HABP4: variants seen among roughly 807,000 people sequenced by gnomAD.
HABP4 encodes intracellular hyaluronan-binding protein 4.
A neutral mutation model predicts 44.1 loss-of-function variants in HABP4; 32 were observed. The observed-to-expected ratio is 0.73, with a 90% CI of 0.55 to 0.97. The LOEUF is 0.97. Among genes scored for constraint, HABP4 ranks in the 50% least tolerant of loss-of-function variants. The probability of loss-of-function intolerance (pLI) is 0.00; values close to 1 mark genes in which losing one functional copy is unlikely to be tolerated. For synonymous variants in HABP4, 216 were observed against 218.0 expected (o/e 0.99, Z 0.08); for missense variants, 503 against 561.9 (o/e 0.90, Z 1.06).
rs764603456 is a variant in HABP4 at position 96,456,759 on chromosome 9, C to CAAAAA, written c.350-1602_350-1598dup. Among the ~76,000 whole-genome samples, 7 of 24,728 alleles carry CAAAAA rather than the reference C, an allele frequency of 2.8e-4. 2 individuals carry two copies. Among genetic ancestry groups the CAAAAA allele is most frequent in the East Asian group, 3.4e-3 (2 of 582 alleles). The allele number at this position is 24,728 out of a possible 152,430, so 16.2% of individuals were successfully genotyped here. A position where few individuals can be genotyped will look rare whatever the true frequency, so the allele number is the denominator to read the frequency against. On this transcript the variant is annotated intron_variant, in intron 1 of 7. Coordinates refer to ENST00000375249, the MANE Select transcript of HABP4 (RefSeq NM_014282.4). ...TGGGCAACAGAGCAAGACTCCATCT[C>CAAAAA]AAAAAAAAAAAAAAAAAAAAAATAT...
intron 1 of HABP4, among the ~76,000 whole-genome samples, chr9:96,453,935 G>A (rs899851184): frequency 6.6e-6 from 1 of 152,166 alleles, no homozygotes; most frequent in Non-Finnish European, 1.5e-5. Flanking sequence ...GAAGGAGAAC[G>A]AGATGTTTGC....
At chr9:96,454,073 C>G (rs916104241) in intron 1 of HABP4, among the ~76,000 whole-genome samples, 13 of 152,096 alleles carry the variant, frequency 8.5e-5, no homozygotes, top group Admixed American at 7.9e-4. Flanking sequence ...CAGTTTTATA[C>G]TGTTGGAAAA....
At chr9:96,458,609 TTTTCTTTTCTTTC>T (rs1832442930) in intron 2 of HABP4, 68 bp downstream of exon 2, 1 of 1,063,230 alleles carries the variant, frequency 9.4e-7, no homozygotes, top group Non-Finnish European at 1.4e-6. Flanking sequence ...GCTACTTTCT[TTTTCTTTTCTTTC>T]TTTCTTTTTT....
intron 5 of HABP4, among the ~76,000 whole-genome samples, chr9:96,472,421 T>C (rs1012291963): frequency 6.6e-6 from 1 of 152,202 alleles, no homozygotes; most frequent in Non-Finnish European, 1.5e-5. Flanking sequence ...ATTTTCTGGA[T>C]GCAACATTTC....
In HABP4 at chr9:96,465,518, C is replaced by G. The variant is rs779507386; in HGVS notation, c.674+20C>G. 7.2e-6 allele frequency: 11 copies of G among 1,538,334 alleles called. No individual in the cohort carries two copies. The highest frequency in any genetic ancestry group is 9.9e-6 in the Non-Finnish European group (11 of 1,110,916). ...CAAAATGTAAGTTTCTTTGTAAATG[C>G]TATTTTCACTTTAAGATGGTGTCAG... On this transcript the variant is annotated intron_variant, in intron 3 of 7. Transcript: ENST00000375249.
chr9:96,465,903 G>C, intron 4 of HABP4, 125 bp downstream of exon 4: 1 of 595,134 alleles, frequency 1.7e-6, no homozygotes, highest in South Asian at 2.3e-5. Context: ...AGTAGAGATT[G>C]ATTTTAGGCT....
At chr9:96,461,282 G>A (rs1273692143) in intron 2 of HABP4, among the ~76,000 whole-genome samples, 1 of 152,024 alleles carries the variant, frequency 6.6e-6, no homozygotes, top group Non-Finnish European at 1.5e-5. Context: ...ACCACAATTT[G>A]CTTAAAGCTT....
At chr9:96,456,759 CAAAAAAAAAAAAA>C (rs764603456) in intron 1 of HABP4, among the ~76,000 whole-genome samples, 10 of 24,726 alleles carry the variant, frequency 4.0e-4, no homozygotes, top group African/African-American at 6.2e-4. Flanking sequence ...GACTCCATCT[CAAAAAAAAAAAAA>C]AAAAAAAAAT....
rs1231434746 is a variant in HABP4, at chr9:96,450,274, G to A, written c.-6G>A. ...GCCCTCCCGGGCCCGCAGTGGTCGC[G>A]GCGGCATGAAGGGCGCTCTGGGGAG... On this transcript the variant is annotated 5_prime_UTR_variant, in exon 1 of 8. Transcript: ENST00000375249. The surrounding 1 kb of genome is among the most constrained non-coding windows in gnomAD (Gnocchi z 4.8). 2.8e-6 allele frequency: 4 copies of A among 1,436,632 alleles called. No individual in the cohort carries two copies. Among genetic ancestry groups the A allele is most frequent in the Non-Finnish European group, 3.7e-6 (4 of 1,084,550 alleles). 89.0% of individuals were successfully genotyped at this position (1,436,632 alleles called of 1,614,324 possible).
At chr9:96,460,735 T>C (rs1475232826) in intron 2 of HABP4, among the ~76,000 whole-genome samples, 1 of 152,230 alleles carries the variant, frequency 6.6e-6, no homozygotes. Flanking sequence ...TTTCTGATGT[T>C]TCCTCGTGGA....
In HABP4 at chr9:96,490,013, C is replaced by T. The variant is rs1229347620; in HGVS notation, c.1217C>T (p.Pro406Leu). The T allele has an allele frequency of 8.7e-6, 14 of 1,604,408 alleles. No individual in the cohort carries two copies. The highest frequency in any genetic ancestry group is 1.2e-5 in the Non-Finnish European group (14 of 1,171,198). ...GATGTTGCCCCCAACCCAGATGACCCGGAAGATTTCCCTGCGCTGTCTTGA... is the reference window on the plus strand; with the variant it reads ...GATGTTGCCCCCAACCCAGATGACCTGGAAGATTTCCCTGCGCTGTCTTGA... Reference protein sequence around the residue: ...MQDVAPNPDDPEDFPALS With the variant: ...MQDVAPNPDDLEDFPALS Residue 406 changes from proline to leucine, a missense_variant, in exon 8 of 8, where the codon CCG becomes CTG. Physicochemically the swap from Pro to Leu is moderately conservative, Grantham distance 98 (BLOSUM62 -3). Around this residue, in one of 3 missense-constraint regions of HABP4, gnomAD observed 82 missense variants for 71.6 expected, o/e 1.15. Transcript: ENST00000375249.
chr9:96,476,994 T>C (rs1401003030), intron 5 of HABP4, among the ~76,000 whole-genome samples: 1 of 152,230 alleles, frequency 6.6e-6, no homozygotes, highest in Non-Finnish European at 1.5e-5. Context: ...ACTATATGCT[T>C]TACTTTATGT....
At position 96,490,148 on chromosome 9, in the gene HABP4, G is replaced by C; in HGVS notation, c.*110G>C. 1.4e-6 allele frequency: 1 copy of C among 735,620 alleles called. No homozygotes were observed. Among genetic ancestry groups the C allele is most frequent in the Non-Finnish European group, 2.4e-6 (1 of 409,754 alleles). 45.6% of individuals were successfully genotyped at this position (735,620 alleles called of 1,614,324 possible). A position where few individuals can be genotyped will look rare whatever the true frequency, so the allele number is the denominator to read the frequency against. The stretch of plus-strand genomic sequence containing the variant: ...AAGAACAATAGATGTTGCTTTTCCC[G>C]TGTCATGTAAATTTGTTGCACTTTT... On this transcript the variant is annotated 3_prime_UTR_variant, in exon 8 of 8. Transcript: ENST00000375249.
At chr9:96,465,575 TTAGTTAACTTTA>T in intron 3 of HABP4, 77 bp downstream of exon 3, 1 of 1,182,808 alleles carries the variant, frequency 8.5e-7, no homozygotes, top group Non-Finnish European at 1.3e-6. Flanking sequence ...GTGTTAATAT[TTAGTTAACTTTA>T]TAGTACTGTG....
intron 1 of HABP4, among the ~76,000 whole-genome samples, chr9:96,454,118 T>A (rs1284257998): frequency 1.3e-5 from 2 of 152,222 alleles, no homozygotes; most frequent in Non-Finnish European, 2.9e-5. Flanking sequence ...TGTCCTATTT[T>A]AAGTTTGATG....
intron 5 of HABP4, 199 bp from the exon 6 acceptor site, chr9:96,484,263 T>A: frequency 2.0e-6 from 1 of 493,264 alleles, no homozygotes; most frequent in Non-Finnish European, 3.6e-6. Context: ...ATAGGAAGTA[T>A]CTTCTGTTGG....
chr9:96,458,376 T>A lies in HABP4; in HGVS notation c.350-3T>A, dbSNP rs761122167. Reference sequence around the variant, plus strand: ...GCTCTCTGCTTTGATTTTCTGTTGGTAGGCCAGAAGCGGACTCCTAGAAGA... The same window carrying A: ...GCTCTCTGCTTTGATTTTCTGTTGGAAGGCCAGAAGCGGACTCCTAGAAGA... On this transcript the variant is annotated splice_polypyrimidine_tract_variant and splice_region_variant and intron_variant, in intron 1 of 7. Transcript: ENST00000375249. The A allele has an allele frequency of 6.2e-7, 1 of 1,613,868 alleles. No individual in the cohort carries two copies. Among genetic ancestry groups the A allele is most frequent in the East Asian group, 2.2e-5 (1 of 44,874 alleles).
chr9:96,463,304 G>C (rs1202573769), intron 2 of HABP4, among the ~76,000 whole-genome samples: 2 of 151,936 alleles, frequency 1.3e-5, no homozygotes, highest in African/African-American at 4.8e-5. Context: ...GCCCGGGCTG[G>C]AGTGCAGTGG....
rs372591820 is a variant in HABP4, at chr9:96,458,024, G to A, written c.350-355G>A. ...GGGTATTCTTTCATTTTCTAGGTACGGCTTACACACTGTGTTTTTGTAAGA... is the reference window on the plus strand; with the variant it reads ...GGGTATTCTTTCATTTTCTAGGTACAGCTTACACACTGTGTTTTTGTAAGA... On this transcript the variant is annotated intron_variant, in intron 1 of 7. Transcript: ENST00000375249. 1.1e-4 allele frequency among the ~76,000 whole-genome samples: 16 copies of A among 152,106 alleles called. No homozygotes were observed. The South Asian group carries it at 2.9e-3, about 28-fold the overall frequency.
Sources: allele counts gnomAD v4.1 joint callset (sites outside exome capture counted in the v4.1 genomes callset), GRCh38; gene constraint gnomAD v4.1.1; regional missense constraint gnomAD v4.1.1; non-coding constraint Gnocchi (gnomAD v3.1); transcripts MANE v1.5; gene names NCBI Gene and HGNC (gene_info 2026-07-23, HGNC 2026-07-21).